The following MAPK10 variants were observed in gnomAD, a reference collection of about 807,000 sequenced individuals.
MAPK10 encodes the protein JNK3 alpha protein kinase.
MAPK10 carries 25 observed loss-of-function variants against 59.3 expected under a neutral mutation model. The ratio of observed to expected loss-of-function variants is 0.42; its 90% CI spans 0.31 to 0.59. MAPK10 has a LOEUF of 0.59. Ranked by LOEUF, MAPK10 falls within the 20% of genes least tolerant of loss-of-function variation. The pLI is 0.15. For synonymous variants in MAPK10, 190 were observed against 200.5 expected (o/e 0.95, Z 0.44); for missense variants, 351 against 568.9 (o/e 0.62, Z 3.90).
At chr4:86,126,235 T>A (rs1176013956) in intron 4 of MAPK10, among the ~76,000 whole-genome samples, 2 of 152,262 alleles carry the variant, frequency 1.3e-5, no homozygotes, top group South Asian at 4.1e-4. Context: ...GTTACTGCTC[T>A]GTCCCTCTTT....
intron 1 of MAPK10, among the ~76,000 whole-genome samples, chr4:86,411,790 C>T (rs776084229): frequency 3.9e-5 from 6 of 152,258 alleles, no homozygotes; most frequent in Middle Eastern, 3.4e-3. Context: ...AGTCTATGTG[C>T]GTCTTCGCCT....
At chr4:86,186,151 TAAC>T (rs1300742184) in intron 3 of MAPK10, among the ~76,000 whole-genome samples, 1 of 152,144 alleles carries the variant, frequency 6.6e-6, no homozygotes, top group Admixed American at 6.6e-5. Flanking sequence ...TTAATTCTCA[TAAC>T]AAGCCTAAAA....
intron 3 of MAPK10, among the ~76,000 whole-genome samples, chr4:86,162,695 C>T (rs140349824): frequency 1.3e-5 from 2 of 152,082 alleles, no homozygotes; most frequent in African/African-American, 2.4e-5. Context: ...TAACCACCTG[C>T]GCTCATTCAA....
At chr4:86,326,136 C>T (rs1017261343) in intron 2 of MAPK10, 1 of 152,144 alleles carries the variant, frequency 6.6e-6, no homozygotes, top group African/African-American at 2.4e-5. Flanking sequence ...ATGTGCCTTA[C>T]CCAGTCAGAG....
intron 13 of MAPK10, chr4:86,028,725 G>A (rs970943163): frequency 1.3e-4 from 24 of 185,440 alleles, no homozygotes; most frequent in Non-Finnish European, 2.6e-4. Flanking sequence ...GCTAGCAAAC[G>A]AAAAATTTTC....
intron 1 of MAPK10, among the ~76,000 whole-genome samples, chr4:86,535,204 G>C (rs1758138521): frequency 6.6e-6 from 1 of 152,092 alleles, no homozygotes; most frequent in Non-Finnish European, 1.5e-5. Context: ...TCTGAGAAGT[G>C]ATCACCTGAG....
rs2058018361 is a variant in MAPK10, at chr4:86,114,508, A to G, written c.237-7156T>C. On this transcript the variant is annotated intron_variant, in intron 4 of 13. Coordinates refer to ENST00000641462, the MANE Select transcript of MAPK10 (RefSeq NM_138982.4). ...CTGGGTCCCTCCTGCACTTGGAGGT[A>G]TCACCAGTGGAGGCTGCCAAACAGC... Among the ~76,000 whole-genome samples the G allele has an allele frequency of 2.0e-5, 3 of 152,166 alleles. No homozygotes were observed. In the South Asian group the frequency reaches 6.2e-4, roughly 32 times the overall value.
chr4:86,231,334 T>C (rs1365980282), intron 2 of MAPK10, among the ~76,000 whole-genome samples: 1 of 152,162 alleles, frequency 6.6e-6, no homozygotes, highest in Non-Finnish European at 1.5e-5. Flanking sequence ...GCATTTTTAT[T>C]TGCCAAAGTT....
rs1446535900 is a variant in MAPK10 at position 86,012,460 on chromosome 4, CAAT to C, written c.*4765_*4767del. ...ACCATTGTCAACAGGCAAACTCCAA[CAAT>C]GTCTGGGTTTGGATTTGGTTTTATG... On this transcript the variant is annotated 3_prime_UTR_variant, in exon 14 of 14. Coordinates refer to ENST00000641462, the MANE Select transcript of MAPK10 (RefSeq NM_138982.4). 2.0e-5 allele frequency: 3 copies of C among 152,170 alleles called. No individual in the cohort carries two copies. The highest frequency in any genetic ancestry group is 4.4e-5 in the Non-Finnish European group (3 of 68,026). The allele number at this position is 152,170 out of a possible 1,614,324, so 9.4% of individuals were successfully genotyped here. A position where few individuals can be genotyped will look rare whatever the true frequency, so the allele number is the denominator to read the frequency against.
In MAPK10 at chr4:86,013,665, T is replaced by C. The variant is rs1392008036; in HGVS notation, c.*3563A>G. 1.3e-5 allele frequency: 2 copies of C among 152,224 alleles called. No homozygotes were observed. The highest frequency in any genetic ancestry group is 1.3e-4 in the Admixed American group (2 of 15,284). 9.4% of individuals were successfully genotyped at this position (152,224 alleles called of 1,614,324 possible). A position where few individuals can be genotyped will look rare whatever the true frequency, so the allele number is the denominator to read the frequency against. On this transcript the variant is annotated 3_prime_UTR_variant, in exon 14 of 14. Coordinates refer to ENST00000641462, the MANE Select transcript of MAPK10 (RefSeq NM_138982.4). ...TTTTATCTATTTTTTACTAGTTCCA[T>C]TTACTAAGGCCAACTTTCAGTTTTA...
intron 3 of MAPK10, among the ~76,000 whole-genome samples, chr4:86,173,914 C>A (rs1315574869): frequency 7.8e-6 from 1 of 127,422 alleles, no homozygotes; most frequent in Non-Finnish European, 1.7e-5. Context: ...ATCAAAACCA[C>A]AATGAGATAA....
chr4:86,172,966 G>T lies in MAPK10; in HGVS notation c.67-13499C>A, dbSNP rs539686173. On this transcript the variant is annotated intron_variant, in intron 3 of 13. Coordinates refer to ENST00000641462, the MANE Select transcript of MAPK10 (RefSeq NM_138982.4). ...AAAACCACTGTTCAAAGAAATAAGA[G>T]ACAACACAAACAAATGGAAAAGTAT... Among the ~76,000 whole-genome samples, 61 of 151,758 alleles carry T rather than the reference G, an allele frequency of 4.0e-4. 2 individuals are homozygous for T. In the South Asian group the frequency reaches 0.011, roughly 28 times the overall value.
intron 2 of MAPK10, among the ~76,000 whole-genome samples, chr4:86,267,469 G>A (rs1055673066): frequency 4.6e-5 from 7 of 152,196 alleles, no homozygotes; most frequent in African/African-American, 1.4e-4. Flanking sequence ...AGACCTACAG[G>A]ACCAAATCCC....
chr4:86,263,522 C>G (rs1043906873), intron 2 of MAPK10, among the ~76,000 whole-genome samples: 1 of 152,056 alleles, frequency 6.6e-6, no homozygotes, highest in African/African-American at 2.4e-5. Flanking sequence ...GCTTTACTTT[C>G]CCTGGTCCAA....
At chr4:86,134,803 G>A (rs113363213) in intron 4 of MAPK10, among the ~76,000 whole-genome samples, 13,495 of 152,144 alleles carry the variant, frequency 0.089, 627 homozygotes, top group Middle Eastern at 0.14. Flanking sequence ...GTGCCAAGAC[G>A]GTGGGCGCAG....
chr4:86,139,669 C>G (rs1182684869), intron 4 of MAPK10, among the ~76,000 whole-genome samples: 1 of 152,126 alleles, frequency 6.6e-6, no homozygotes, highest in African/African-American at 2.4e-5. Context: ...CAACAAAAGA[C>G]AAAATTGACA....
At chr4:86,190,908 T>G (rs2079565598) in intron 3 of MAPK10, among the ~76,000 whole-genome samples, 2 of 152,218 alleles carry the variant, frequency 1.3e-5, no homozygotes, top group Non-Finnish European at 2.9e-5. Flanking sequence ...CTCTAACCAC[T>G]GCTTTAGCTG....
At chr4:86,397,496 T>C (rs995426266) in intron 1 of MAPK10, among the ~76,000 whole-genome samples, 1 of 152,122 alleles carries the variant, frequency 6.6e-6, no homozygotes, top group African/African-American at 2.4e-5. Context: ...AAATATCCCA[T>C]TTTAAAGATT....
intron 1 of MAPK10, among the ~76,000 whole-genome samples, chr4:86,586,421 A>G (rs1762656151): frequency 6.6e-6 from 1 of 152,154 alleles, no homozygotes; most frequent in African/African-American, 2.4e-5. Context: ...TTCACTCATC[A>G]TCGAAACTGG....
Sources: allele counts gnomAD v4.1 joint callset (sites outside exome capture counted in the v4.1 genomes callset), GRCh38; gene constraint gnomAD v4.1.1; transcripts MANE v1.5; gene names NCBI Gene and HGNC (gene_info 2026-07-23, HGNC 2026-07-21).